Variants in RALYL observed in about 807,000 individuals in gnomAD.
RALYL encodes the protein RNA-binding Raly-like protein.
Under a neutral mutation model 35.1 loss-of-function variants are expected in RALYL, and 29 were observed. The ratio of observed to expected loss-of-function variants is 0.83; its 90% confidence interval spans 0.61 to 1.13. The LOEUF (loss-of-function observed/expected upper bound fraction) is 1.13, where lower values mean the gene tolerates loss of function less well. Among genes scored for constraint, RALYL ranks in the 50% most tolerant of loss-of-function variants. The probability of loss-of-function intolerance (pLI) is 0.00; values close to 1 mark genes in which losing one functional copy is unlikely to be tolerated. For missense variants in RALYL, 359 were observed against 360.4 expected (o/e 1.00, Z 0.03); for synonymous variants, 120 against 127.6 (o/e 0.94, Z 0.40).
chr8:84,413,331 A>G (rs1469988487), intron 1 of RALYL, among the ~76,000 whole-genome samples: 2 of 151,584 alleles, frequency 1.3e-5, no homozygotes, highest in Non-Finnish European at 3.0e-5. Flanking sequence ...AATGACTATT[A>G]TGTATTTTTA....
At position 84,757,544 on chromosome 8, in the gene RALYL, G is replaced by A. The variant is rs539550526; in HGVS notation, c.257-17035G>A. Among the ~76,000 whole-genome samples the A allele has an allele frequency of 1.5e-4, 23 of 152,192 alleles. No individual in the cohort carries two copies. The South Asian group carries it at 2.3e-3, about 15-fold the overall frequency. On this transcript the variant is annotated intron_variant, in intron 2 of 8. Coordinates refer to ENST00000521268, the MANE Select transcript of RALYL (RefSeq NM_173848.7). ...AATTCTATTTTAGCTATGCAGGGGC[G>A]GCGAATATGATGTACTAACACTTCC...
intron 1 of RALYL, among the ~76,000 whole-genome samples, chr8:84,188,136 T>C (rs546103692): frequency 6.6e-5 from 10 of 152,214 alleles, no homozygotes; most frequent in African/African-American, 2.2e-4. Context: ...TTTCAAGGGG[T>C]ACATGTACAG....
At chr8:84,242,042 C>A (rs1315630510) in intron 1 of RALYL, among the ~76,000 whole-genome samples, 1 of 152,056 alleles carries the variant, frequency 6.6e-6, no homozygotes, top group African/African-American at 2.4e-5. Context: ...TGTGTTGTTC[C>A]CCCCATGTGT....
intron 1 of RALYL, among the ~76,000 whole-genome samples, chr8:84,364,672 T>C (rs1853825989): frequency 6.6e-6 from 1 of 152,130 alleles, no homozygotes; most frequent in Non-Finnish European, 1.5e-5. Flanking sequence ...TGATAAAAAC[T>C]CATGATTCAT....
At chr8:84,791,581 T>G (rs901381077) in intron 3 of RALYL, among the ~76,000 whole-genome samples, 1 of 152,044 alleles carries the variant, frequency 6.6e-6, no homozygotes, top group South Asian at 2.1e-4. Flanking sequence ...TTGTGGAGTG[T>G]TAGGGTAGAA....
intron 2 of RALYL, among the ~76,000 whole-genome samples, chr8:84,542,869 G>A (rs1368557887): frequency 1.3e-5 from 2 of 152,018 alleles, no homozygotes; most frequent in East Asian, 1.9e-4. Flanking sequence ...TGTTTGAATT[G>A]AAATTCATAA....
At chr8:84,193,389 C>T (rs1046239957) in intron 1 of RALYL, among the ~76,000 whole-genome samples, 3 of 152,024 alleles carry the variant, frequency 2.0e-5, no homozygotes, top group East Asian at 1.9e-4. Context: ...TTAGTAGTAG[C>T]GCAAGGAGAT....
chr8:84,308,415 G>A (rs1230144160), intron 1 of RALYL, among the ~76,000 whole-genome samples: 1 of 152,060 alleles, frequency 6.6e-6, no homozygotes, highest in Non-Finnish European at 1.5e-5. Flanking sequence ...TCATGCCATT[G>A]ATTTGTTGGA....
At chr8:84,342,296 A>ATATATATATATATATATAT (rs1554626164) in intron 1 of RALYL, among the ~76,000 whole-genome samples, 61 of 119,108 alleles carry the variant, frequency 5.1e-4, no homozygotes, top group Non-Finnish European at 6.2e-4. Context: ...ATATATATAT[A>ATATATATATATATATATAT]AAACTCAAAA....
intron 2 of RALYL, among the ~76,000 whole-genome samples, chr8:84,541,659 T>C (rs2060024756): frequency 6.6e-6 from 1 of 152,076 alleles, no homozygotes; most frequent in Admixed American, 6.6e-5. Context: ...CAGTTATTAA[T>C]AGATGTGAAT....
intron 1 of RALYL, among the ~76,000 whole-genome samples, chr8:84,385,587 C>T (rs1859003976): frequency 6.6e-6 from 1 of 151,840 alleles, no homozygotes; most frequent in Non-Finnish European, 1.5e-5. Context: ...GACCATTGAA[C>T]AATGTCTGTC....
chr8:84,718,268 A>G (rs1169107939), intron 2 of RALYL, among the ~76,000 whole-genome samples: 1 of 152,214 alleles, frequency 6.6e-6, no homozygotes, highest in Non-Finnish European at 1.5e-5. Flanking sequence ...ATTTCCTGGA[A>G]AACAGTATAT....
intron 1 of RALYL, among the ~76,000 whole-genome samples, chr8:84,362,447 C>A (rs1853242970): frequency 6.6e-6 from 1 of 152,078 alleles, no homozygotes; most frequent in African/African-American, 2.4e-5. Context: ...GCTGCAGACC[C>A]ATATCAGTTC....
intron 1 of RALYL, among the ~76,000 whole-genome samples, chr8:84,485,151 C>T (rs1477501004): frequency 6.6e-6 from 1 of 152,092 alleles, no homozygotes; most frequent in African/African-American, 2.4e-5. Flanking sequence ...GTTCTATATA[C>T]TCTGTCTTTT....
In RALYL at chr8:84,356,617, A is replaced by T. The variant is rs373728069; in HGVS notation, c.-24+172193A>T. Reference sequence around the variant, plus strand: ...GATTCATTTATAGGTCTACCCAGCCATGGCCTCTCTAAACTGCAAAGGATG... The same window carrying T: ...GATTCATTTATAGGTCTACCCAGCCTTGGCCTCTCTAAACTGCAAAGGATG... On this transcript the variant is annotated intron_variant, in intron 1 of 8. Coordinates refer to ENST00000521268, the MANE Select transcript of RALYL (RefSeq NM_173848.7). Among the ~76,000 whole-genome samples, 9 of 150,442 alleles carry T rather than the reference A, an allele frequency of 6.0e-5. 2 individuals carry two copies. Among genetic ancestry groups the T allele is most frequent in the African/African-American group, 2.2e-4 (9 of 40,522 alleles).
chr8:84,650,703 C>T (rs1322004540), intron 2 of RALYL, among the ~76,000 whole-genome samples: 5 of 151,690 alleles, frequency 3.3e-5, no homozygotes, highest in Admixed American at 6.6e-5. Flanking sequence ...ACCATTTGAC[C>T]CAGCCATCCC....
chr8:84,256,622 C>T (rs1204475724), intron 1 of RALYL, among the ~76,000 whole-genome samples: 1 of 152,042 alleles, frequency 6.6e-6, no homozygotes, highest in African/African-American at 2.4e-5. Flanking sequence ...AGAAATTTGT[C>T]TGAATCAGGG....
chr8:84,279,199 A>G (rs1409884012), intron 1 of RALYL, among the ~76,000 whole-genome samples: 1 of 152,188 alleles, frequency 6.6e-6, no homozygotes, highest in Non-Finnish European at 1.5e-5. Context: ...CAAGAACAGT[A>G]TGGGGGAAAC....
intron 2 of RALYL, among the ~76,000 whole-genome samples, chr8:84,555,037 T>C (rs763282149): frequency 1.3e-5 from 2 of 152,140 alleles, no homozygotes; most frequent in Non-Finnish European, 2.9e-5. Flanking sequence ...TCCCAGCACT[T>C]TGGGAGGCTA....
Sources: gnomAD v4.1 joint callset for allele counts (sites outside exome capture counted in the v4.1 genomes callset) on GRCh38, gnomAD v4.1.1 for gene constraint, MANE v1.5 for transcripts, NCBI Gene and HGNC (gene_info 2026-07-23, HGNC 2026-07-21) for gene names.